ARRDC5: variants seen among roughly 807,000 people sequenced by gnomAD.
The protein encoded by ARRDC5 is arrestin domain containing 5.
Under a neutral mutation model 13.3 loss-of-function variants are expected in ARRDC5, and 12 were observed. That is an observed-to-expected ratio of 0.90 (90% CI 0.58 to 1.46). ARRDC5 has a LOEUF of 1.46. Among genes scored for constraint, ARRDC5 ranks in the 40% most tolerant of loss-of-function variants. The pLI is 0.00. For missense variants in ARRDC5, 406 were observed against 418.7 expected (o/e 0.97, Z 0.26); for synonymous variants, 181 against 173.4 (o/e 1.04, Z -0.34).
At chr19:4,914,219 G>A in the ARRDC5 span, among the ~76,000 whole-genome samples, 1 of 152,154 alleles carries the variant, frequency 6.6e-6, no homozygotes, top group Non-Finnish European at 1.5e-5. Context: ...GGCTGGGAAA[G>A]TGAGCTGGCA....
At chr19:4,910,520 GAATC>G in the ARRDC5 span, 3 of 195,454 alleles carry the variant, frequency 1.5e-5, no homozygotes, top group Admixed American at 1.2e-4. Flanking sequence ...AGGAATGAAT[GAATC>G]AATGAATGAA....
chr19:4,904,794 C>T (rs2032031843), upstream of ARRDC5, among the ~76,000 whole-genome samples: 1 of 152,150 alleles, frequency 6.6e-6, no homozygotes, highest in Non-Finnish European at 1.5e-5. Context: ...ACTTAATGAC[C>T]TCTGAGAATG....
At chr19:4,910,565 C>T in the ARRDC5 span, 1 of 293,324 alleles carries the variant, frequency 3.4e-6, no homozygotes, top group African/African-American at 2.2e-5. Context: ...GCCACTTGGC[C>T]CGGGCCTCCT....
chr19:4,906,896 C>G (rs1415860990), upstream of ARRDC5, among the ~76,000 whole-genome samples: 1 of 152,230 alleles, frequency 6.6e-6, no homozygotes, highest in Admixed American at 6.5e-5. Context: ...TTTGGAAGAG[C>G]TCAAGCCGTC....
chr19:4,894,389 T>A (rs2031629114), intron 2 of ARRDC5, among the ~76,000 whole-genome samples: 1 of 149,288 alleles, frequency 6.7e-6, no homozygotes, highest in African/African-American at 2.5e-5. Context: ...CAGGCGCCTG[T>A]AGTCCCAGCT....
the ARRDC5 span, among the ~76,000 whole-genome samples, chr19:4,915,020 G>A: frequency 2.6e-5 from 4 of 152,198 alleles, no homozygotes; most frequent in Admixed American, 2.6e-4. Flanking sequence ...AGCGTCCCTG[G>A]CCTCCACCCA....
chr19:4,902,651 A>C lies in ARRDC5; in HGVS notation c.175T>G (p.Ser59Ala). 1 of 1,613,874 alleles carries C rather than the reference A, an allele frequency of 6.2e-7. No homozygotes were observed. The highest frequency in any genetic ancestry group is 8.5e-7 in the Non-Finnish European group (1 of 1,179,860). Reference protein sequence around the residue: ...YVEWSEEAGASCDYSRNVICN... With the variant: ...YVEWSEEAGAACDYSRNVICN... Reference sequence around the variant, plus strand: ...ATAACATTTCTGCTATAATCACAGGATGCCCCGGCTTCTTCACTCCATTCG... The same window carrying C: ...ATAACATTTCTGCTATAATCACAGGCTGCCCCGGCTTCTTCACTCCATTCG... The change falls in exon 1 of 3, where the codon TCC becomes GCC. Residue 59 changes from serine (S) to alanine (A), a missense_variant. Ser to Ala is a moderately conservative substitution (Grantham distance 99). Transcript: ENST00000650722.
At chr19:4,896,580 G>GGGA in intron 2 of ARRDC5, 91 bp downstream of exon 2, 4 of 950,136 alleles carry the variant, frequency 4.2e-6, no homozygotes, top group South Asian at 1.4e-5. Flanking sequence ...TTCTCCCCAT[G>GGGA]GGACCTTCTC....
chr19:4,899,927 G>C (rs1197836271), intron 1 of ARRDC5, among the ~76,000 whole-genome samples: 1 of 149,752 alleles, frequency 6.7e-6, no homozygotes, highest in Admixed American at 6.7e-5. Context: ...CGACAGAGGA[G>C]ACTCCGTCTC....
chr19:4,902,858 T>C lies in ARRDC5; in HGVS notation c.-33A>G, dbSNP rs2146261525. The stretch of plus-strand genomic sequence containing the variant: ...TGGGGGGTAGAGAGACATTCCTCTC[T>C]GTCCCCCATGTCCCTGAAATTCCCG... On this transcript the variant is annotated 5_prime_UTR_variant, in exon 1 of 3. Transcript: ENST00000650722. The C allele has an allele frequency of 6.2e-7, 1 of 1,612,764 alleles. No homozygotes were observed. Among genetic ancestry groups the C allele is most frequent in the Non-Finnish European group, 8.5e-7 (1 of 1,179,186 alleles).
chr19:4,891,696 C>T, intron 2 of ARRDC5, 123 bp from the exon 3 acceptor site: 2 of 835,776 alleles, frequency 2.4e-6, no homozygotes, highest in Non-Finnish European at 1.8e-6. Flanking sequence ...ATAGCTCACG[C>T]CTATAATCCC....
upstream of ARRDC5, chr19:4,903,551 G>A (rs980937013): frequency 6.6e-6 from 1 of 152,124 alleles, no homozygotes; most frequent in African/African-American, 2.4e-5. Flanking sequence ...CAGCCAGACT[G>A]GAGTGCAATG....
At chr19:4,911,646 C>G in the ARRDC5 span, among the ~76,000 whole-genome samples, 5 of 152,210 alleles carry the variant, frequency 3.3e-5, no homozygotes, top group Non-Finnish European at 5.9e-5. Flanking sequence ...TTTCTCTGTT[C>G]TGTCTCCAGC....
At position 4,898,196 on chromosome 19, in the gene ARRDC5, T is replaced by C. The variant is rs558682791; in HGVS notation, c.254-1320A>G. Among the ~76,000 whole-genome samples, 193 of 152,282 alleles carry C rather than the reference T, an allele frequency of 1.3e-3. 1 individual carries two copies. The highest frequency in any genetic ancestry group is 4.6e-3 in the African/African-American group (192 of 41,570). ...TATACAGTGGGTGCTTAATACATAT[T>C]GATTGACCAACTGAGTGATGGTCTA... On this transcript the variant is annotated intron_variant, in intron 1 of 2. Coordinates refer to ENST00000650722, the MANE Select transcript of ARRDC5 (RefSeq NM_001080523.3).
chr19:4,911,927 GTGT>G, the ARRDC5 span, among the ~76,000 whole-genome samples: 11 of 152,284 alleles, frequency 7.2e-5, no homozygotes, highest in East Asian at 3.9e-4. Context: ...GTACCCCACT[GTGT>G]TGTTGTTGGA....
chr19:4,911,165 C>T, the ARRDC5 span: 5 of 912,960 alleles, frequency 5.5e-6, no homozygotes, highest in Non-Finnish European at 7.8e-6. Context: ...CTTCATCTCT[C>T]CCGGAAGGAG....
chr19:4,903,349 G>A (rs1314020998), upstream of ARRDC5: 1 of 160,006 alleles, frequency 6.2e-6, no homozygotes, highest in Non-Finnish European at 1.4e-5. Flanking sequence ...GTCTCATTCT[G>A]TCACCCAGGC....
chr19:4,914,461 A>C, the ARRDC5 span, among the ~76,000 whole-genome samples: 1 of 152,018 alleles, frequency 6.6e-6, no homozygotes, highest in Non-Finnish European at 1.5e-5. Flanking sequence ...AAGTTGATGG[A>C]GACCCCAGAG....
Position 4,902,772 on chromosome 19 carries a change from C to T in ARRDC5, c.54G>A (p.Leu18=), listed in dbSNP as rs777994834. The change falls in exon 1 of 3, where the codon CTG becomes CTA. Residue 18 remains leucine (L), a synonymous_variant. Transcript: ENST00000650722. Reference sequence around the variant, plus strand: ...CCTGCCCTTTTATGCTGGAGCCAGCCAGGTAGATTCTATCCTCGGGCAGCA... The same window carrying T: ...CCTGCCCTTTTATGCTGGAGCCAGCTAGGTAGATTCTATCCTCGGGCAGCA... ...ELVLPEDRIY[L]AGSSIKGQVI... 2 of 1,613,982 alleles carry T rather than the reference C, an allele frequency of 1.2e-6. No individual in the cohort carries two copies. The highest frequency in any genetic ancestry group is 1.6e-4 in the Middle Eastern group (1 of 6,062).
Sources: gnomAD v4.1 joint callset for allele counts (sites outside exome capture counted in the v4.1 genomes callset) on GRCh38, gnomAD v4.1.1 for gene constraint, MANE v1.5 for transcripts, NCBI Gene and HGNC (gene_info 2026-07-23, HGNC 2026-07-21) for gene names.